PCNX2: variants seen among roughly 807,000 people sequenced by gnomAD.
The protein encoded by PCNX2 is pecanex 2.
Under a neutral mutation model 223.8 loss-of-function variants are expected in PCNX2, and 168 were observed. The observed-to-expected ratio is 0.75, with a 90% CI of 0.66 to 0.85. PCNX2 has a LOEUF of 0.85. Ranked by LOEUF, PCNX2 falls within the 40% of genes least tolerant of loss-of-function variation. The pLI is 0.00. For missense variants in PCNX2, 2,507 were observed against 2,675.5 expected, an observed-to-expected ratio of 0.94 and a Z score of 1.39; for synonymous variants, 1,006 against 1,052.6, an observed-to-expected ratio of 0.96 and a Z score of 0.86.
intron 28 of PCNX2, among the ~76,000 whole-genome samples, chr1:233,004,490 T>C (rs1377733652): frequency 6.6e-6 from 1 of 151,814 alleles, no homozygotes; most frequent in Admixed American, 6.6e-5. Context: ...TTTCTTTCTA[T>C]AAATATTCTC....
chr1:233,290,651 G>A, intron 1 of PCNX2: 3 of 737,066 alleles, frequency 4.1e-6, no homozygotes, highest in Non-Finnish European at 3.3e-6. Context: ...TGTGTTGGGT[G>A]CTTACTATTT....
At chr1:233,107,468 T>A (rs934611473) in intron 21 of PCNX2, among the ~76,000 whole-genome samples, 1 of 151,952 alleles carries the variant, frequency 6.6e-6, no homozygotes, top group African/African-American at 2.4e-5. Flanking sequence ...GTCTCAATCA[T>A]GATCCACACT....
At chr1:233,193,793 C>T (rs1005295991) in intron 15 of PCNX2, among the ~76,000 whole-genome samples, 2 of 152,002 alleles carry the variant, frequency 1.3e-5, no homozygotes, top group Non-Finnish European at 1.5e-5. Context: ...AGTTTATCAT[C>T]GGACTAGACA....
chr1:233,216,844 G>GTA (rs1010132471), intron 12 of PCNX2, among the ~76,000 whole-genome samples: 46 of 150,818 alleles, frequency 3.1e-4, no homozygotes, highest in South Asian at 1.0e-3. Flanking sequence ...AGAAGATGTG[G>GTA]TATATATATA....
Position 233,139,895 on chromosome 1 carries a change from CA to C in PCNX2, c.3518-41del. The C allele has an allele frequency of 6.3e-7, 1 of 1,593,528 alleles. No homozygotes were observed. Among genetic ancestry groups the C allele is most frequent in the Non-Finnish European group, 8.5e-7 (1 of 1,171,014 alleles). On this transcript the variant is annotated intron_variant, in intron 19 of 33. Coordinates refer to ENST00000258229, the MANE Select transcript of PCNX2 (RefSeq NM_014801.4). The surrounding 1 kb of genome is among the most constrained non-coding windows in gnomAD (Gnocchi z 4.4). ...AAAACCACTTAGAACAACCACCGAT[CA>C]AAGTATTTTTCTTTAAGTACAGGTA...
At chr1:233,206,682 G>A (rs759939836) in intron 13 of PCNX2, among the ~76,000 whole-genome samples, 2 of 152,114 alleles carry the variant, frequency 1.3e-5, no homozygotes, top group Non-Finnish European at 2.9e-5. Flanking sequence ...TCCTAATTGA[G>A]CTCAGAGGTT....
chr1:233,114,623 C>G (rs1295571609), intron 21 of PCNX2, among the ~76,000 whole-genome samples: 2 of 151,928 alleles, frequency 1.3e-5, no homozygotes, highest in Admixed American at 1.3e-4. Context: ...GCTGGATAAA[C>G]AGAAAACTGA....
chr1:233,263,452 A>ATTT (rs67108893), intron 1 of PCNX2, among the ~76,000 whole-genome samples: 7 of 126,794 alleles, frequency 5.5e-5, no homozygotes, highest in South Asian at 2.5e-4. Flanking sequence ...AAACCTCTCC[A>ATTT]TTTTTTTTTT....
At chr1:233,093,472 T>C (rs1048400844) in intron 22 of PCNX2, among the ~76,000 whole-genome samples, 1 of 152,230 alleles carries the variant, frequency 6.6e-6, no homozygotes, top group Non-Finnish European at 1.5e-5. Context: ...AGTGATAAAA[T>C]AATTAACATT....
rs374462484 is a variant in PCNX2 at position 233,132,173 on chromosome 1, C to T, written c.3837+2840G>A. On this transcript the variant is annotated intron_variant, in intron 21 of 33. Transcript: ENST00000258229. ...CAGGCTGGTCTCGAACTCCTGACCT[C>T]GGGTAATCCACCCTCCTGACTTCAG... Among the ~76,000 whole-genome samples the T allele has an allele frequency of 1.9e-3, 290 of 152,218 alleles. 1 individual carries two copies. The highest frequency in any genetic ancestry group is 6.7e-3 in the African/African-American group (279 of 41,522).
intron 19 of PCNX2, among the ~76,000 whole-genome samples, chr1:233,150,463 G>A (rs768185336): frequency 6.6e-6 from 1 of 152,174 alleles, no homozygotes; most frequent in African/African-American, 2.4e-5. Flanking sequence ...GAAGAGCAAC[G>A]TGAGAGAATC....
chr1:233,132,008 C>T (rs1355370473), intron 21 of PCNX2, among the ~76,000 whole-genome samples: 1 of 151,684 alleles, frequency 6.6e-6, no homozygotes, highest in Non-Finnish European at 1.5e-5. Context: ...GGGATTTCAG[C>T]TCACTGCAAC....
At chr1:233,235,558 A>T (rs984394554) in intron 9 of PCNX2, among the ~76,000 whole-genome samples, 1 of 152,164 alleles carries the variant, frequency 6.6e-6, no homozygotes, top group Non-Finnish European at 1.5e-5. Context: ...TTCTTTGCAC[A>T]GCTGGGTAAT....
chr1:233,315,799 G>T, the PCNX2 span, among the ~76,000 whole-genome samples: 1 of 152,052 alleles, frequency 6.6e-6, no homozygotes, highest in African/African-American at 2.4e-5. Flanking sequence ...ACCTTAGAAG[G>T]ATGACTAACC....
intron 12 of PCNX2, among the ~76,000 whole-genome samples, chr1:233,215,413 C>T (rs948783500): frequency 6.6e-6 from 1 of 152,212 alleles, no homozygotes; most frequent in African/African-American, 2.4e-5. Flanking sequence ...TGATTTCATA[C>T]TGTCTCACTA....
At chr1:233,265,289 T>C (rs141774445) in intron 1 of PCNX2, among the ~76,000 whole-genome samples, 233 of 152,068 alleles carry the variant, frequency 1.5e-3, no homozygotes, top group African/African-American at 5.5e-3. Flanking sequence ...TGAATTTTCA[T>C]GTAACTAGGG....
At chr1:233,206,507 G>C (rs1681473485) in intron 13 of PCNX2, among the ~76,000 whole-genome samples, 1 of 151,988 alleles carries the variant, frequency 6.6e-6, no homozygotes, top group Non-Finnish European at 1.5e-5. Flanking sequence ...AATGACAGAA[G>C]GCCTTTCTTG....
intron 23 of PCNX2, chr1:233,089,745 G>T (rs1374320893): frequency 4.5e-6 from 2 of 449,246 alleles, no homozygotes; most frequent in Admixed American, 1.0e-4. Flanking sequence ...CATATCAAAG[G>T]ACATTAACAG....
chr1:233,144,994 T>C (rs1380818135), intron 19 of PCNX2, among the ~76,000 whole-genome samples: 2 of 150,700 alleles, frequency 1.3e-5, no homozygotes, highest in Non-Finnish European at 3.0e-5. Flanking sequence ...AGATGGAGTC[T>C]TGCTCTGTCA....
Sources: allele counts gnomAD v4.1 joint callset (sites outside exome capture counted in the v4.1 genomes callset), GRCh38; gene constraint gnomAD v4.1.1; non-coding constraint Gnocchi (gnomAD v3.1); transcripts MANE v1.5; gene names NCBI Gene and HGNC (gene_info 2026-07-23, HGNC 2026-07-21).